Variants in SIL1 observed in about 807,000 individuals in gnomAD.
SIL1 encodes SIL1 nucleotide exchange factor.
SIL1 carries 40 observed loss-of-function variants against 49.1 expected under a neutral mutation model. The observed-to-expected ratio is 0.81, with a 90% confidence interval of 0.63 to 1.06. SIL1 has a LOEUF of 1.06. SIL1 is among the 50% of genes least tolerant of loss of function. The probability of loss-of-function intolerance (pLI) is 0.00; values close to 1 mark genes in which losing one functional copy is unlikely to be tolerated. For synonymous variants in SIL1, 253 were observed against 250.8 expected (o/e 1.01, Z -0.08); for missense variants, 500 against 572.6 (o/e 0.87, Z 1.29).
chr5:138,999,853 G>A (rs1188407310), intron 7 of SIL1, among the ~76,000 whole-genome samples: 1 of 152,078 alleles, frequency 6.6e-6, no homozygotes, highest in Non-Finnish European at 1.5e-5. Flanking sequence ...CACCATGATT[G>A]CACCACAGCA....
At chr5:139,030,610 T>C (rs1768765050) in intron 5 of SIL1, among the ~76,000 whole-genome samples, 1 of 148,838 alleles carries the variant, frequency 6.7e-6, no homozygotes, top group African/African-American at 2.5e-5. Flanking sequence ...ACAGAGACCC[T>C]GTCAAAAAAA....
chr5:138,988,740 G>T (rs1248736548), intron 7 of SIL1, among the ~76,000 whole-genome samples: 2 of 152,164 alleles, frequency 1.3e-5, no homozygotes, highest in African/African-American at 4.8e-5. Context: ...AGGCATGGTG[G>T]TACGTACCTG....
At position 139,174,248 on chromosome 5, in the gene SIL1, C is replaced by T. The variant is rs539479007; in HGVS notation, c.-11+24021G>A. Among the ~76,000 whole-genome samples, 65 of 152,266 alleles carry T rather than the reference C, an allele frequency of 4.3e-4. No homozygotes were observed. In the South Asian group the frequency reaches 0.01, roughly 24 times the overall value. ...GGCACAGTGGTTCACACCTATAATC[C>T]TAGCACTTTGGGAGGCCAAGATAGG... On this transcript the variant is annotated intron_variant, in intron 1 of 9. Transcript: ENST00000394817.
At chr5:139,121,230 A>C (rs1337923756) in intron 2 of SIL1, 57 bp from the exon 3 acceptor site, 14 of 1,612,246 alleles carry the variant, frequency 8.7e-6, no homozygotes, top group Non-Finnish European at 5.9e-6. Flanking sequence ...GGTAAGCAGA[A>C]AAAAAATGGC....
At chr5:139,040,898 TG>T (rs1269452038) in intron 5 of SIL1, among the ~76,000 whole-genome samples, 1 of 151,800 alleles carries the variant, frequency 6.6e-6, no homozygotes, top group Non-Finnish European at 1.5e-5. Context: ...ATTACTGGGG[TG>T]GGGGGAAATG....
chr5:139,171,138 C>T (rs1413982303), intron 1 of SIL1, among the ~76,000 whole-genome samples: 1 of 152,034 alleles, frequency 6.6e-6, no homozygotes, highest in African/African-American at 2.4e-5. Context: ...CGCCTCTGCC[C>T]CGCCGCCCCT....
intron 1 of SIL1, among the ~76,000 whole-genome samples, chr5:139,186,609 C>G (rs1752081273): frequency 6.6e-6 from 1 of 152,194 alleles, no homozygotes; most frequent in Non-Finnish European, 1.5e-5. Context: ...ACAGGCCTAC[C>G]ATTCTCTGTT....
At chr5:138,954,138 C>A (rs1436274180) in intron 7 of SIL1, among the ~76,000 whole-genome samples, 1 of 152,202 alleles carries the variant, frequency 6.6e-6, no homozygotes, top group Non-Finnish European at 1.5e-5. Context: ...CCCAGTCCCA[C>A]CCACTCTGTC....
Position 139,104,014 on chromosome 5 carries a change from A to G in SIL1, c.244+17021T>C, listed in dbSNP as rs147466753. Among the ~76,000 whole-genome samples the G allele has an allele frequency of 2.0e-5, 3 of 152,312 alleles. No homozygotes were observed. The East Asian group carries it at 5.8e-4, about 29-fold the overall frequency. On this transcript the variant is annotated intron_variant, in intron 3 of 9. Transcript: ENST00000394817. ...GGCTCAGCTCTAGACACATCTACAC[A>G]GACTGGGGTGAGGGTTCCTACAACA... is the stretch of plus-strand genomic sequence containing the variant.
intron 3 of SIL1, among the ~76,000 whole-genome samples, chr5:139,098,226 G>C (rs1035965000): frequency 1.3e-5 from 2 of 152,150 alleles, no homozygotes; most frequent in African/African-American, 4.8e-5. Flanking sequence ...AAACAGCATG[G>C]TACTGGCATA....
At chr5:138,956,409 C>A (rs1038066607) in intron 7 of SIL1, among the ~76,000 whole-genome samples, 2 of 152,182 alleles carry the variant, frequency 1.3e-5, no homozygotes, top group Non-Finnish European at 2.9e-5. Context: ...TATTTGCCTG[C>A]CATCCAGGGA....
chr5:139,075,352 G>A (rs1769926451), intron 3 of SIL1, among the ~76,000 whole-genome samples: 1 of 152,144 alleles, frequency 6.6e-6, no homozygotes, highest in Admixed American at 6.5e-5. Flanking sequence ...TGCAGCAGGA[G>A]ATATCTCAAA....
At chr5:139,168,627 T>C (rs952309391) in intron 1 of SIL1, among the ~76,000 whole-genome samples, 1 of 152,138 alleles carries the variant, frequency 6.6e-6, no homozygotes, top group Non-Finnish European at 1.5e-5. Flanking sequence ...CAATGCTTTT[T>C]TTTTTCCTCC....
rs191435311 is a variant in SIL1 at position 139,041,258 on chromosome 5, A to G, written c.453+1362T>C. ...CCACGTGCCCTCCCACACCACATAC[A>G]CTCTCCGTGTAGGAGAAGTGACTTT... On this transcript the variant is annotated intron_variant, in intron 5 of 9. Coordinates refer to ENST00000394817, the MANE Select transcript of SIL1 (RefSeq NM_022464.5). Among the ~76,000 whole-genome samples, 590 of 151,890 alleles carry G rather than the reference A, an allele frequency of 3.9e-3. 6 individuals are homozygous for G. Among genetic ancestry groups the G allele is most frequent in the Non-Finnish European group, 4.2e-3 (288 of 67,952 alleles).
At chr5:138,962,301 TCC>T (rs1767038959) in intron 7 of SIL1, among the ~76,000 whole-genome samples, 1 of 151,780 alleles carries the variant, frequency 6.6e-6, no homozygotes, top group African/African-American at 2.4e-5. Flanking sequence ...CTGGACTTTT[TCC>T]ATTTTTTTTT....
chr5:139,069,167 A>C (rs1769772869), intron 3 of SIL1, among the ~76,000 whole-genome samples: 1 of 152,160 alleles, frequency 6.6e-6, no homozygotes, highest in Admixed American at 6.6e-5. Flanking sequence ...ATGCACCTGC[A>C]GTCCCAGCTA....
intron 3 of SIL1, among the ~76,000 whole-genome samples, chr5:139,057,696 G>A (rs1176040993): frequency 6.6e-6 from 1 of 152,180 alleles, no homozygotes; most frequent in East Asian, 1.9e-4. Context: ...CTGCTTTAAT[G>A]GCTGTCTTAG....
intron 1 of SIL1, among the ~76,000 whole-genome samples, chr5:139,133,833 T>G (rs1466610181): frequency 6.6e-6 from 1 of 152,234 alleles, no homozygotes; most frequent in Non-Finnish European, 1.5e-5. Context: ...TACTTCCATT[T>G]TATAAGGAAG....
At chr5:139,062,019 G>T (rs1769600210) in intron 3 of SIL1, among the ~76,000 whole-genome samples, 1 of 152,162 alleles carries the variant, frequency 6.6e-6, no homozygotes, top group African/African-American at 2.4e-5. Flanking sequence ...GGCTTTACAG[G>T]CCCAGTTGCC....
Sources: gnomAD v4.1 joint callset for allele counts (sites outside exome capture counted in the v4.1 genomes callset) on GRCh38, gnomAD v4.1.1 for gene constraint, MANE v1.5 for transcripts, NCBI Gene and HGNC (gene_info 2026-07-23, HGNC 2026-07-21) for gene names.